A2ML1: variants seen among roughly 807,000 people sequenced by gnomAD.
A2ML1 encodes the protein alpha-2-macroglobulin-like protein 1.
In A2ML1, 161 loss-of-function variants were observed where a neutral mutation model predicts 181.9. The ratio of observed to expected loss-of-function variants is 0.89; its 90% CI spans 0.78 to 1.01. The LOEUF is 1.01. Ranked by LOEUF, A2ML1 falls within the 50% of genes least tolerant of loss-of-function variation. The probability of loss-of-function intolerance (pLI) is 0.00; values close to 1 mark genes in which losing one functional copy is unlikely to be tolerated. For missense variants in A2ML1, 1,670 were observed against 1,768.1 expected (o/e 0.94, Z 1.00); for synonymous variants, 663 against 666.8 (o/e 0.99, Z 0.09).
chr12:8,886,049 A>C (rs1348796178), intron 7 of A2ML1, among the ~76,000 whole-genome samples: 3 of 87,818 alleles, frequency 3.4e-5, no homozygotes, highest in Non-Finnish European at 7.4e-5. Flanking sequence ...CACACACTAT[A>C]GTTTTATTAT....
intron 13 of A2ML1, among the ~76,000 whole-genome samples, 198 bp from the exon 14 acceptor site, chr12:8,845,864 ATAAATAAAATAAAAT>A (rs1943662874): frequency 5.2e-5 from 3 of 57,192 alleles, no homozygotes; most frequent in African/African-American, 2.3e-4. Flanking sequence ...AAAAAAAAAA[ATAAATAAAATAAAAT>A]AAAATAAAAT....
chr12:8,846,275 C>CTTG, intron 14 of A2ML1, 53 bp downstream of exon 14: 10 of 1,601,874 alleles, frequency 6.2e-6, no homozygotes, highest in Non-Finnish European at 8.5e-6. Context: ...AGAGAAAGAT[C>CTTG]TTGTGTGTGC....
intron 7 of A2ML1, among the ~76,000 whole-genome samples, chr12:8,881,827 C>A (rs190093172): frequency 2.0e-5 from 3 of 151,884 alleles, no homozygotes; most frequent in African/African-American, 7.2e-5. Flanking sequence ...CTGGCTAACA[C>A]GGTGAAACCC....
chr12:8,845,519 T>C lies in A2ML1; in HGVS notation c.1537+17T>C. The C allele has an allele frequency of 6.2e-7, 1 of 1,613,806 alleles. No individual in the cohort carries two copies. The highest frequency in any genetic ancestry group is 8.5e-7 in the Non-Finnish European group (1 of 1,179,774). On this transcript the variant is annotated intron_variant, in intron 13 of 35. Coordinates refer to ENST00000299698, the MANE Select transcript of A2ML1 (RefSeq NM_144670.6). ...AGAAGAAAGGTGAGTGTACATGCTT[T>C]TCCCGGAAGCAAACAGGATATTTTT...
chr12:8,842,825 A>T (rs925707372), intron 11 of A2ML1, among the ~76,000 whole-genome samples: 1 of 152,184 alleles, frequency 6.6e-6, no homozygotes, highest in South Asian at 2.1e-4. Context: ...TTTGATTTCT[A>T]TATAATCTAA....
intron 18 of A2ML1, among the ~76,000 whole-genome samples, chr12:8,851,506 A>T (rs1242506838): frequency 6.6e-6 from 1 of 151,970 alleles, no homozygotes; most frequent in East Asian, 1.9e-4. Context: ...CCTGGGCTCA[A>T]GCAATCCTCC....
chr12:8,859,469 T>C (rs1279109617), intron 26 of A2ML1, among the ~76,000 whole-genome samples: 2 of 152,124 alleles, frequency 1.3e-5, no homozygotes, highest in Admixed American at 6.5e-5. Flanking sequence ...GAGTGGATCA[T>C]GAGGTCAGGA....
intron 32 of A2ML1, 49 bp downstream of exon 32, chr12:8,868,676 C>A (rs768209444): frequency 6.5e-7 from 1 of 1,539,014 alleles, no homozygotes; most frequent in Non-Finnish European, 8.9e-7. Flanking sequence ...GGGGACCTAA[C>A]GTTATAATTT....
In A2ML1 at chr12:8,826,503, A is replaced by G. The variant is rs111882351; in HGVS notation, c.409+2621A>G. On this transcript the variant is annotated intron_variant, in intron 3 of 35. Coordinates refer to ENST00000299698, the MANE Select transcript of A2ML1 (RefSeq NM_144670.6). The stretch of plus-strand genomic sequence containing the variant: ...CTCTGTTGCCCAGGCTGTGGAGTGC[A>G]GTGGCGGGATCACTGCTTACTGCAA... Among the ~76,000 whole-genome samples the G allele has an allele frequency of 2.1e-3, 317 of 152,228 alleles. 6 individuals are homozygous for G. Among genetic ancestry groups the G allele is most frequent in the African/African-American group, 7.2e-3 (298 of 41,532 alleles).
At chr12:8,824,718 A>C (rs887285212) in intron 3 of A2ML1, among the ~76,000 whole-genome samples, 4 of 148,970 alleles carry the variant, frequency 2.7e-5, no homozygotes, top group Non-Finnish European at 4.4e-5. Context: ...CTCTTTCAAA[A>C]AAATTTTTTT....
In A2ML1 at chr12:8,849,742, A is replaced by G; in HGVS notation, c.2102A>G (p.Tyr701Cys). The G allele has an allele frequency of 6.2e-7, 1 of 1,614,214 alleles. No individual in the cohort carries two copies. Among genetic ancestry groups the G allele is most frequent in the Non-Finnish European group, 8.5e-7 (1 of 1,180,032 alleles). The change falls in exon 17 of 36, where the codon TAC becomes TGC. Residue 701 changes from tyrosine (Y) to cysteine (C), a missense_variant. Tyr to Cys is a radical substitution (Grantham distance 194, BLOSUM62 -2). Coordinates refer to ENST00000299698, the MANE Select transcript of A2ML1 (RefSeq NM_144670.6). ...PVDCSHRSPE[Y>C]STAMGAGGGH... ...GATTGCAGTCACAGATCTCCAGAATACAGCACTGCTATGGGTGGTAAGCCA... is the reference window on the plus strand; with the variant it reads ...GATTGCAGTCACAGATCTCCAGAATGCAGCACTGCTATGGGTGGTAAGCCA...
intron 26 of A2ML1, chr12:8,858,353 C>T (rs189671128): frequency 9.6e-5 from 33 of 342,948 alleles, no homozygotes; most frequent in Non-Finnish European, 1.4e-4. Flanking sequence ...GAGGCCGAGG[C>T]GGGCAGATCG....
chr12:8,863,421 T>C (rs1344049775), intron 28 of A2ML1, among the ~76,000 whole-genome samples: 4 of 152,030 alleles, frequency 2.6e-5, no homozygotes, highest in South Asian at 4.1e-4. Flanking sequence ...TTTGATTAAA[T>C]GAAATAAATG....
At chr12:8,843,721 CTTTTTT>C (rs756360339) in intron 12 of A2ML1, among the ~76,000 whole-genome samples, 3 of 133,608 alleles carry the variant, frequency 2.2e-5, no homozygotes, top group Non-Finnish European at 4.8e-5. Context: ...CTTTTTTTTT[CTTTTTT>C]TTTTTTTTTG....
rs762402686 is a variant in A2ML1, at chr12:8,852,371, C to T, written c.2590+35C>T. ...GGAAGTGGTAGACGGGCGAGGAAAG[C>T]CAGCAGCAGAAGACCAGTGACTGAG... On this transcript the variant is annotated intron_variant, in intron 20 of 35. Transcript: ENST00000299698. The surrounding 1 kb of genome is among the most constrained non-coding windows in gnomAD (Gnocchi z 4.2). 16 of 1,612,152 alleles carry T rather than the reference C, an allele frequency of 9.9e-6. No individual in the cohort carries two copies. Among genetic ancestry groups the T allele is most frequent in the South Asian group, 1.1e-5 (1 of 90,844 alleles).
intron 24 of A2ML1, 78 bp downstream of exon 24, chr12:8,857,418 C>T (rs1401026210): frequency 6.2e-7 from 1 of 1,606,168 alleles, no homozygotes; most frequent in Non-Finnish European, 8.5e-7. Context: ...CAGGGAATTC[C>T]AGCCCCTCAA....
intron 7 of A2ML1, among the ~76,000 whole-genome samples, chr12:8,836,704 G>A (rs1053314114): frequency 2.6e-5 from 4 of 151,924 alleles, no homozygotes; most frequent in Admixed American, 2.6e-4. Context: ...GGCTGGTCTC[G>A]GACTCCTGAC....
intron 7 of A2ML1, among the ~76,000 whole-genome samples, chr12:8,884,066 G>A (rs752694516): frequency 5.3e-5 from 8 of 152,000 alleles, no homozygotes; most frequent in Non-Finnish European, 1.2e-4. Flanking sequence ...GATTACAGGC[G>A]TGACCCACCA....
chr12:8,845,195 T>C lies in A2ML1; in HGVS notation c.1477-247T>C, dbSNP rs369832330. ...CTATGGTGAGGAACAATTTCTATGC[T>C]GTCAGACTCCTCCCATCCACCTGCG... On this transcript the variant is annotated intron_variant, in intron 12 of 35. Coordinates refer to ENST00000299698, the MANE Select transcript of A2ML1 (RefSeq NM_144670.6). The C allele has an allele frequency of 2.1e-5, 32 of 1,534,772 alleles. No individual in the cohort carries two copies. The African/African-American group carries it at 4.4e-4, about 21-fold the overall frequency.
Sources: gnomAD v4.1 joint callset for allele counts (sites outside exome capture counted in the v4.1 genomes callset) on GRCh38, gnomAD v4.1.1 for gene constraint, Gnocchi (gnomAD v3.1) non-coding constraint, MANE v1.5 for transcripts, NCBI Gene and HGNC (gene_info 2026-07-23, HGNC 2026-07-21) for gene names.